Variants in LENG8 observed in about 807,000 individuals in gnomAD.
The protein encoded by LENG8 is leukocyte receptor cluster member 8, also known as leukocyte receptor cluster (LRC) member 8.
Under a neutral mutation model 102.1 loss-of-function variants are expected in LENG8, and 28 were observed. The observed-to-expected ratio is 0.27, with a 90% CI of 0.20 to 0.38. The LOEUF is 0.38. Ranked by LOEUF, LENG8 falls within the 10% of genes least tolerant of loss-of-function variation. LENG8 has a pLI of 1.00. For missense variants in LENG8, 1,022 were observed against 1,113.9 expected, an observed-to-expected ratio of 0.92 and a Z score of 1.17; for synonymous variants, 531 against 456.7, an observed-to-expected ratio of 1.16 and a Z score of -2.07.
At position 54,452,262 on chromosome 19, in the gene LENG8, G is replaced by T. The variant is rs1265907783; in HGVS notation, c.208G>T (p.Ala70Ser). Reference protein sequence around the residue: ...KSSSNGPVASAQYVSQAEASA... With the variant: ...KSSSNGPVASSQYVSQAEASA... ...CAGCAGCAATGGGCCTGTGGCCAGT[G>T]CACAGGTGAGAAGGCCTCATGGGGC... The change falls in exon 3 of 16, where the codon GCA becomes TCA. Residue 70 changes from alanine (A) to serine (S), a missense_variant. Physicochemically the swap from Ala to Ser is moderately conservative, Grantham distance 99. This residue lies in a region of LENG8 where 343 missense variants were observed against 320.2 expected (regional missense o/e 1.07). Transcript: ENST00000326764. 6.2e-7 allele frequency: 1 copy of T among 1,609,192 alleles called. No individual in the cohort carries two copies. The highest frequency in any genetic ancestry group is 1.3e-5 in the African/African-American group (1 of 74,838).
Position 54,458,279 on chromosome 19 carries a change from C to G in LENG8, c.2033-35C>G, listed in dbSNP as rs1182333532. On this transcript the variant is annotated intron_variant, in intron 14 of 15. Transcript: ENST00000326764. Reference sequence around the variant, plus strand: ...AGAGGCCATGGTACCCAGGGTTGAGCCCTGCTGACTTCACCCTCTTTGTCT... The same window carrying G: ...AGAGGCCATGGTACCCAGGGTTGAGGCCTGCTGACTTCACCCTCTTTGTCT... 4 of 1,613,404 alleles carry G rather than the reference C, an allele frequency of 2.5e-6. No homozygotes were observed. In the East Asian group the frequency reaches 8.9e-5, roughly 36 times the overall value.
Position 54,461,250 on chromosome 19 carries a change from C to A in LENG8, c.*322C>A. On this transcript the variant is annotated 3_prime_UTR_variant, in exon 16 of 16. Coordinates refer to ENST00000326764, the MANE Select transcript of LENG8 (RefSeq NM_052925.4). Reference sequence around the variant, plus strand: ...GTGTTTTCTCTCTCTCTCTTTCGAGCTTGCACTCCGGTACCCGACCCGGCG... The same window carrying A: ...GTGTTTTCTCTCTCTCTCTTTCGAGATTGCACTCCGGTACCCGACCCGGCG... 1.8e-6 allele frequency: 1 copy of A among 547,646 alleles called. No individual in the cohort carries two copies. Among genetic ancestry groups the A allele is most frequent in the South Asian group, 1.6e-5 (1 of 63,974 alleles). 33.9% of individuals were successfully genotyped at this position (547,646 alleles called of 1,614,324 possible).
At chr19:54,451,988 G>A (rs754923468) in intron 2 of LENG8, 105 bp from the exon 3 acceptor site, 61 of 1,051,324 alleles carry the variant, frequency 5.8e-5, no homozygotes, top group Non-Finnish European at 8.2e-5. Context: ...TAGACTGGTA[G>A]TAACAGTTAG....
rs549156913 is a variant in LENG8 at position 54,461,453 on chromosome 19, A to T, written c.*525A>T. On this transcript the variant is annotated 3_prime_UTR_variant, in exon 16 of 16. Coordinates refer to ENST00000326764, the MANE Select transcript of LENG8 (RefSeq NM_052925.4). ...CGTGTTTGGGGTGGGGGAGCTGCTT[A>T]GAGACTGTGCCCGTCCTCGGCCCCC... is the stretch of plus-strand genomic sequence containing the variant. 13 of 461,514 alleles carry T rather than the reference A, an allele frequency of 2.8e-5. No homozygotes were observed. In the East Asian group the frequency reaches 9.0e-4, roughly 32 times the overall value. The allele number at this position is 461,514 out of a possible 1,614,324, so 28.6% of individuals were successfully genotyped here.
In LENG8 at chr19:54,461,068, G is replaced by A. The variant is rs531366832; in HGVS notation, c.*140G>A. 43 of 1,269,154 alleles carry A rather than the reference G, an allele frequency of 3.4e-5. No individual in the cohort carries two copies. Among genetic ancestry groups the A allele is most frequent in the South Asian group, 6.6e-5 (5 of 75,674 alleles). 78.6% of individuals were successfully genotyped at this position (1,269,154 alleles called of 1,614,324 possible). On this transcript the variant is annotated 3_prime_UTR_variant, in exon 16 of 16. Coordinates refer to ENST00000326764, the MANE Select transcript of LENG8 (RefSeq NM_052925.4). ...AGGAAGAGCCACCATCCCTGCCCCCGTTTTCCCACCGGGGAGTCTGTACAG... is the reference window on the plus strand; with the variant it reads ...AGGAAGAGCCACCATCCCTGCCCCCATTTTCCCACCGGGGAGTCTGTACAG...
At chr19:54,451,692 T>A (rs542411696) in intron 2 of LENG8, among the ~76,000 whole-genome samples, 1 of 152,326 alleles carries the variant, frequency 6.6e-6, no homozygotes, top group African/African-American at 2.4e-5. Context: ...ATTTATTTGT[T>A]TTTCTGCTGA....
At chr19:54,459,069 C>CTA in intron 15 of LENG8, 1 of 1,396,362 alleles carries the variant, frequency 7.2e-7, no homozygotes. Context: ...CCTTCGTTCA[C>CTA]TAGACATTGC....
chr19:54,457,088 G>T (rs140015636), intron 11 of LENG8, among the ~76,000 whole-genome samples, 167 bp downstream of exon 11: 111 of 152,388 alleles, frequency 7.3e-4, no homozygotes, highest in African/African-American at 2.5e-3. Flanking sequence ...GCGCAAAGGC[G>T]CTCTGCTGCC....
rs1569311244 is a variant in LENG8 at position 54,461,123 on chromosome 19, C to CA, written c.*196dup. On this transcript the variant is annotated 3_prime_UTR_variant, in exon 16 of 16. Coordinates refer to ENST00000326764, the MANE Select transcript of LENG8 (RefSeq NM_052925.4). ...TTTTCTACGTTTTTATTTTTTGCCT[C>CA]AGAGGGATGGGATTGGGGAGGAGGG... 4.6e-6 allele frequency: 4 copies of CA among 874,602 alleles called. No individual in the cohort carries two copies. The highest frequency in any genetic ancestry group is 7.3e-6 in the Non-Finnish European group (4 of 551,422). The allele number at this position is 874,602 out of a possible 1,614,324, so 54.2% of individuals were successfully genotyped here.
chr19:54,459,946 GTTAA>G (rs1432052377), intron 15 of LENG8: 10 of 1,207,044 alleles, frequency 8.3e-6, no homozygotes, highest in African/African-American at 1.6e-5. Flanking sequence ...GAGTGTCCTT[GTTAA>G]TTGATACCTA....
chr19:54,450,114 A>G (rs947846933), intron 1 of LENG8, among the ~76,000 whole-genome samples: 2 of 151,820 alleles, frequency 1.3e-5, no homozygotes, highest in Non-Finnish European at 2.9e-5. Flanking sequence ...TTCTCTCTGT[A>G]CCCCACTCTT....
intron 15 of LENG8, chr19:54,458,940 AAGG>A (rs1337108280): frequency 1.9e-5 from 29 of 1,513,730 alleles, no homozygotes; most frequent in Non-Finnish European, 2.3e-5. Context: ...CTACCAGGAC[AAGG>A]CCCAGTCCCA....
intron 15 of LENG8, 136 bp downstream of exon 15, chr19:54,458,657 T>C (rs1455038850): frequency 6.4e-7 from 1 of 1,553,394 alleles, no homozygotes; most frequent in African/African-American, 1.4e-5. Context: ...CCATCATCTT[T>C]CTCCATTCAG....
At chr19:54,450,436 C>T (rs560972077) in intron 1 of LENG8, among the ~76,000 whole-genome samples, 2 of 152,272 alleles carry the variant, frequency 1.3e-5, no homozygotes, top group East Asian at 3.9e-4. Flanking sequence ...CTTTTCCTCT[C>T]AAAATTTTCT....
chr19:54,460,841 C>G lies in LENG8; in HGVS notation c.2316C>G (p.Phe772Leu). ...AGGGCGAGGCCGCCTGCCGGGCCTT[C>G]CTAGAGCCCCTGGGCCTGGCCTACA... Reference protein sequence around the residue: ...AFEGEAACRAFLEPLGLAYTG... With the variant: ...AFEGEAACRALLEPLGLAYTG... The change falls in exon 16 of 16, where the codon TTC becomes TTG. Residue 772 changes from phenylalanine to leucine, a missense_variant. This residue lies in a region of LENG8 where 129 missense variants were observed against 123.0 expected (regional missense o/e 1.05). Coordinates refer to ENST00000326764, the MANE Select transcript of LENG8 (RefSeq NM_052925.4). The G allele has an allele frequency of 6.3e-7, 1 of 1,575,176 alleles. No homozygotes were observed. The highest frequency in any genetic ancestry group is 8.6e-7 in the Non-Finnish European group (1 of 1,161,658).
intron 15 of LENG8, chr19:54,458,942 G>A: frequency 6.6e-7 from 1 of 1,507,246 alleles, no homozygotes; most frequent in South Asian, 1.3e-5. Flanking sequence ...ACCAGGACAA[G>A]GCCCAGTCCC....
intron 1 of LENG8, among the ~76,000 whole-genome samples, chr19:54,450,662 G>A (rs1416610956): frequency 8.8e-6 from 1 of 113,228 alleles, no homozygotes; most frequent in East Asian, 2.6e-4. Context: ...CGCTCTTGTT[G>A]CCCAGGCTGG....
rs2123216752 is a variant in LENG8, at chr19:54,460,462, T to C, written c.2241-304T>C. ...CCCCTGCCACGTGCTGCTCCCTCCATCTGGTCCCTGCCCCTCAGCCAGCGG... is the reference window on the plus strand; with the variant it reads ...CCCCTGCCACGTGCTGCTCCCTCCACCTGGTCCCTGCCCCTCAGCCAGCGG... On this transcript the variant is annotated intron_variant, in intron 15 of 15. Coordinates refer to ENST00000326764, the MANE Select transcript of LENG8 (RefSeq NM_052925.4). The C allele has an allele frequency of 1.0e-5, 13 of 1,304,132 alleles. No individual in the cohort carries two copies. The South Asian group carries it at 1.9e-4, about 19-fold the overall frequency. 80.8% of individuals were successfully genotyped at this position (1,304,132 alleles called of 1,614,324 possible).
intron 11 of LENG8, among the ~76,000 whole-genome samples, chr19:54,457,533 G>T (rs1042939768): frequency 6.6e-6 from 1 of 151,978 alleles, no homozygotes; most frequent in African/African-American, 2.4e-5. Context: ...TAGAGACGGG[G>T]TTTCACCATG....
Sources: gnomAD v4.1 joint callset for allele counts (sites outside exome capture counted in the v4.1 genomes callset) on GRCh38, gnomAD v4.1.1 for gene constraint, gnomAD v4.1.1 regional missense constraint, MANE v1.5 for transcripts, NCBI Gene and HGNC (gene_info 2026-07-23, HGNC 2026-07-21) for gene names.